The following KLHL3 variants were observed in gnomAD, a reference collection of about 807,000 sequenced individuals.
KLHL3 encodes the protein kelch-like protein 3.
In KLHL3, 19 loss-of-function variants were observed where a neutral mutation model predicts 70.5. That is an observed-to-expected ratio of 0.27 (90% CI 0.19 to 0.40). KLHL3 has a LOEUF of 0.40. KLHL3 is among the 10% of genes least tolerant of loss of function. The pLI, the probability that KLHL3 is intolerant of heterozygous loss-of-function variation, is 1.00. For synonymous variants in KLHL3, 258 were observed against 290.3 expected, an observed-to-expected ratio of 0.89 and a Z score of 1.13; for missense variants, 512 against 771.1, an observed-to-expected ratio of 0.66 and a Z score of 3.98.
intron 8 of KLHL3, chr5:137,647,430 C>G (rs1580730262): frequency 2.0e-5 from 6 of 303,066 alleles, no homozygotes; most frequent in Middle Eastern, 4.5e-4. Context: ...GACCCTAGCC[C>G]TGGCCTCAGG....
chr5:137,690,466 G>A (rs1278164780), intron 5 of KLHL3, among the ~76,000 whole-genome samples: 2 of 152,184 alleles, frequency 1.3e-5, no homozygotes, highest in Non-Finnish European at 2.9e-5. Flanking sequence ...GAAAGGCAGT[G>A]GAGAATATGC....
At chr5:137,706,286 C>G in intron 3 of KLHL3, 1 of 985,356 alleles carries the variant, frequency 1.0e-6, no homozygotes, top group Non-Finnish European at 1.2e-6. Context: ...TAACGAGAGT[C>G]AGCCTCTTAC....
chr5:137,702,077 T>C (rs771213405), intron 3 of KLHL3, among the ~76,000 whole-genome samples: 1 of 152,206 alleles, frequency 6.6e-6, no homozygotes, highest in Non-Finnish European at 1.5e-5. Flanking sequence ...GCCCAGAGAA[T>C]ACAGTGGTTA....
intron 6 of KLHL3, among the ~76,000 whole-genome samples, chr5:137,671,116 C>T (rs894033432): frequency 2.0e-5 from 3 of 152,062 alleles, no homozygotes; most frequent in Non-Finnish European, 4.4e-5. Flanking sequence ...ACTCCTACCC[C>T]ACTCCCAGCC....
chr5:137,623,850 C>T (rs950374913), intron 14 of KLHL3, among the ~76,000 whole-genome samples: 2 of 152,154 alleles, frequency 1.3e-5, no homozygotes, highest in African/African-American at 2.4e-5. Context: ...ATACCTGGCC[C>T]GGAGACCCAG....
intron 1 of KLHL3, among the ~76,000 whole-genome samples, chr5:137,732,463 G>C (rs1753194161): frequency 6.6e-6 from 1 of 150,682 alleles, no homozygotes; most frequent in South Asian, 2.1e-4. Flanking sequence ...GATGCCACAG[G>C]TTGTCTATAA....
chr5:137,669,241 A>G (rs1751689945), intron 6 of KLHL3, among the ~76,000 whole-genome samples: 1 of 152,092 alleles, frequency 6.6e-6, no homozygotes, highest in Non-Finnish European at 1.5e-5. Flanking sequence ...TTATAGCTAT[A>G]TATTTGTGCA....
intron 8 of KLHL3, among the ~76,000 whole-genome samples, chr5:137,640,255 A>G (rs1750880565): frequency 6.6e-6 from 1 of 152,244 alleles, no homozygotes; most frequent in African/African-American, 2.4e-5. Context: ...CGCACAGGGC[A>G]TCATCTGTAA....
chr5:137,658,117 G>T lies in KLHL3; in HGVS notation c.903+14C>A. On this transcript the variant is annotated intron_variant, in intron 8 of 14. Transcript: ENST00000309755. ...ACAGTCCTGACTCTTGGTGGTGATT[G>T]GGCTGGGGCTTACCTTGGGAAGGCT... 1 of 1,606,482 alleles carries T rather than the reference G, an allele frequency of 6.2e-7. No homozygotes were observed. The highest frequency in any genetic ancestry group is 8.5e-7 in the Non-Finnish European group (1 of 1,177,926).
rs555543412 is a variant in KLHL3, at chr5:137,634,051, C to G, written c.1436G>C (p.Arg479Pro). Reference sequence around the variant, plus strand: ...TTCTCCCATACCTGCGCCACTGCGGCGGGTGCTCATGTCCGCCACGTATAT... The same window carrying G: ...TTCTCCCATACCTGCGCCACTGCGGGGGGTGCTCATGTCCGCCACGTATAT... ...EWIYVADMST[R>P]RSGAGVGVLS... The change falls in exon 12 of 15, where the codon CGC (arginine) becomes CCC (proline). Residue 479 changes from arginine (R) to proline (P), a missense_variant. Physicochemically the swap from Arg to Pro is moderately radical, Grantham distance 103. Transcript: ENST00000309755. 6.2e-7 allele frequency: 1 copy of G among 1,614,068 alleles called. No homozygotes were observed. The highest frequency in any genetic ancestry group is 1.3e-5 in the African/African-American group (1 of 74,944).
At chr5:137,643,341 T>A (rs772836350) in intron 8 of KLHL3, among the ~76,000 whole-genome samples, 1 of 137,780 alleles carries the variant, frequency 7.3e-6, no homozygotes, top group African/African-American at 2.7e-5. Context: ...GGCAACAGAG[T>A]GAGACCCTGT....
intron 6 of KLHL3, among the ~76,000 whole-genome samples, chr5:137,665,702 G>A (rs531255176): frequency 6.6e-6 from 1 of 152,124 alleles, no homozygotes; most frequent in Non-Finnish European, 1.5e-5. Context: ...TATCTGCCAG[G>A]AGGAAAAAAG....
intron 7 of KLHL3, among the ~76,000 whole-genome samples, chr5:137,658,870 G>A (rs543796059): frequency 1.3e-5 from 2 of 152,328 alleles, no homozygotes; most frequent in African/African-American, 4.8e-5. Context: ...CATCAGAGCA[G>A]AAAAATTACC....
rs528448911 is a variant in KLHL3 at position 137,712,022 on chromosome 5, G to A, written c.135-2166C>T. Among the ~76,000 whole-genome samples the A allele has an allele frequency of 2.3e-3, 354 of 151,568 alleles. 1 individual carries two copies. Among genetic ancestry groups the A allele is most frequent in the African/African-American group, 8.2e-3 (337 of 41,310 alleles). On this transcript the variant is annotated intron_variant, in intron 2 of 14. Transcript: ENST00000309755. Reference sequence around the variant, plus strand: ...TACAAAAAAAAAAAAGCCCGGTGTGGTGGCAGATGCCTGTAATCCCAGCTA... The same window carrying A: ...TACAAAAAAAAAAAAGCCCGGTGTGATGGCAGATGCCTGTAATCCCAGCTA...
chr5:137,676,150 T>C (rs929376871), intron 6 of KLHL3, among the ~76,000 whole-genome samples: 10 of 152,236 alleles, frequency 6.6e-5, no homozygotes, highest in African/African-American at 2.4e-4. Flanking sequence ...TGGGAATCCA[T>C]TGCTAATTTC....
intron 12 of KLHL3, among the ~76,000 whole-genome samples, chr5:137,632,845 G>A (rs1451082267): frequency 2.0e-5 from 3 of 152,088 alleles, no homozygotes; most frequent in Non-Finnish European, 2.9e-5. Context: ...AGCAGGCAAA[G>A]GATATACATA....
At chr5:137,675,226 G>A (rs1026819670) in intron 6 of KLHL3, among the ~76,000 whole-genome samples, 1 of 152,184 alleles carries the variant, frequency 6.6e-6, no homozygotes, top group African/African-American at 2.4e-5. Flanking sequence ...CAACTCATAT[G>A]TAAGTATATG....
chr5:137,678,738 T>C (rs1175214597), intron 5 of KLHL3, among the ~76,000 whole-genome samples: 1 of 152,218 alleles, frequency 6.6e-6, no homozygotes, highest in Non-Finnish European at 1.5e-5. Flanking sequence ...CATACAAATT[T>C]CTACCTTCAT....
intron 14 of KLHL3, among the ~76,000 whole-genome samples, 160 bp downstream of exon 14, chr5:137,625,593 G>A (rs1484874848): frequency 1.3e-5 from 2 of 152,192 alleles, no homozygotes; most frequent in African/African-American, 4.8e-5. Flanking sequence ...GCAGAATGAA[G>A]GAGTGGTGGC....
Sources: gnomAD v4.1 joint callset for allele counts (sites outside exome capture counted in the v4.1 genomes callset) on GRCh38, gnomAD v4.1.1 for gene constraint, MANE v1.5 for transcripts, NCBI Gene and HGNC (gene_info 2026-07-23, HGNC 2026-07-21) for gene names.